CDK5RAP1: variants seen among roughly 807,000 people sequenced by gnomAD.
The protein encoded by CDK5RAP1 is CDK5RAP1 mitochondrial tRNA methylthiotransferase, also known as mitochondrial tRNA methylthiotransferase CDK5RAP1.
CDK5RAP1 carries 62 observed loss-of-function variants against 64.5 expected under a neutral mutation model. That is an observed-to-expected ratio of 0.96 (90% CI 0.78 to 1.19). The LOEUF is 1.19. Ranked by LOEUF, CDK5RAP1 falls within the 50% of genes most tolerant of loss-of-function variation. The pLI is 0.00. For missense variants in CDK5RAP1, 657 were observed against 735.0 expected, an observed-to-expected ratio of 0.89 and a Z score of 1.23; for synonymous variants, 250 against 261.9, an observed-to-expected ratio of 0.95 and a Z score of 0.44.
intron 8 of CDK5RAP1, among the ~76,000 whole-genome samples, 189 bp downstream of exon 8, chr20:33,379,272 T>C (rs1214001250): frequency 6.6e-6 from 1 of 152,140 alleles, no homozygotes; most frequent in Non-Finnish European, 1.5e-5. Context: ...ATTATTGGTG[T>C]AAGCCCCGTG....
intron 5 of CDK5RAP1, among the ~76,000 whole-genome samples, chr20:33,390,525 A>C (rs1426750028): frequency 6.6e-6 from 1 of 152,174 alleles, no homozygotes; most frequent in African/African-American, 2.4e-5. Flanking sequence ...AAGAGAAAAA[A>C]GTCCTGCAGA....
At chr20:33,392,524 T>G (rs1988439097) in intron 4 of CDK5RAP1, among the ~76,000 whole-genome samples, 1 of 150,838 alleles carries the variant, frequency 6.6e-6, no homozygotes, top group Non-Finnish European at 1.5e-5. Flanking sequence ...ATCTTATGTG[T>G]GGCCCAAGAC....
chr20:33,393,867 C>T (rs1238084050), intron 4 of CDK5RAP1, among the ~76,000 whole-genome samples, 165 bp downstream of exon 4: 2 of 152,144 alleles, frequency 1.3e-5, no homozygotes, highest in Non-Finnish European at 2.9e-5. Context: ...CATGCCCAGC[C>T]AATGTCAGCC....
At chr20:33,397,580 T>A (rs1989020958) in intron 1 of CDK5RAP1, among the ~76,000 whole-genome samples, 2 of 152,236 alleles carry the variant, frequency 1.3e-5, no homozygotes, top group South Asian at 4.1e-4. Context: ...CTTGCTACAC[T>A]GCCTCTTAAT....
intron 8 of CDK5RAP1, among the ~76,000 whole-genome samples, chr20:33,379,016 C>T (rs1002091346): frequency 6.6e-6 from 1 of 152,050 alleles, no homozygotes; most frequent in Non-Finnish European, 1.5e-5. Flanking sequence ...GTGGTGCGAT[C>T]TCGGCTCACT....
At chr20:33,370,694 C>G in intron 10 of CDK5RAP1, 65 bp from the exon 11 acceptor site, 1 of 1,568,550 alleles carries the variant, frequency 6.4e-7, no homozygotes, top group Non-Finnish European at 8.8e-7. Context: ...AGGCCTTCAG[C>G]ATATGTGGAT....
Position 33,385,710 on chromosome 20 carries a change from G to A in CDK5RAP1, c.816C>T (p.Gly272=), listed in dbSNP as rs115479444. The change falls in exon 7 of 14, where the codon GGC becomes GGT. Residue 272 remains glycine, a synonymous_variant. Transcript: ENST00000346416. ...CSYCIVPFTR[G]RERSRPIASI... ...AGGCAATAGGCCGACTCCTCTCCCTGCCCCGGGTGAAAGGAACAATGCAGT... is the reference window on the plus strand; with the variant it reads ...AGGCAATAGGCCGACTCCTCTCCCTACCCCGGGTGAAAGGAACAATGCAGT... 1.4e-3 allele frequency: 2,290 copies of A among 1,613,878 alleles called. 26 individuals are homozygous for A. In the African/African-American group the frequency reaches 0.027, roughly 19 times the overall value.
In CDK5RAP1 at chr20:33,368,917, G is replaced by A. The variant is rs1173585924; in HGVS notation, c.1392+1582C>T. Among the ~76,000 whole-genome samples the A allele has an allele frequency of 2.0e-5, 3 of 151,744 alleles. No individual in the cohort carries two copies. In the East Asian group the frequency reaches 5.9e-4, roughly 30 times the overall value. ...TTCTCTTGGGAGGCTGAGGTGGGTGGATCACAAGGTCGAGAGATCAAGACC... is the reference window on the plus strand; with the variant it reads ...TTCTCTTGGGAGGCTGAGGTGGGTGAATCACAAGGTCGAGAGATCAAGACC... On this transcript the variant is annotated intron_variant, in intron 11 of 13. Transcript: ENST00000346416.
chr20:33,388,974 C>A (rs1354250929), intron 5 of CDK5RAP1, among the ~76,000 whole-genome samples: 1 of 152,214 alleles, frequency 6.6e-6, no homozygotes, highest in Non-Finnish European at 1.5e-5. Flanking sequence ...CCGCTCGCTA[C>A]AACCTCCACC....
At chr20:33,361,541 C>T (rs1425903196) in intron 12 of CDK5RAP1, among the ~76,000 whole-genome samples, 4 of 152,154 alleles carry the variant, frequency 2.6e-5, no homozygotes, top group Non-Finnish European at 5.9e-5. Flanking sequence ...ATGGATTTGT[C>T]ACAGTCATAA....
intron 2 of CDK5RAP1, among the ~76,000 whole-genome samples, chr20:33,396,218 G>A (rs1477919674): frequency 6.6e-6 from 1 of 152,134 alleles, no homozygotes; most frequent in Non-Finnish European, 1.5e-5. Context: ...TTAAATGAAA[G>A]CAAGGCTATA....
chr20:33,385,765 A>T lies in CDK5RAP1; in HGVS notation c.761T>A (p.Ile254Asn). 1 of 1,611,934 alleles carries T rather than the reference A, an allele frequency of 6.2e-7. No homozygotes were observed. The highest frequency in any genetic ancestry group is 8.5e-7 in the Non-Finnish European group (1 of 1,179,144). The change falls in exon 7 of 14, where the codon ATC (isoleucine) becomes AAC (asparagine). Residue 254 changes from isoleucine (I) to asparagine (N), a missense_variant. By Grantham distance (149) the Ile-to-Asn change is moderately radical. Transcript: ENST00000346416. Reference protein sequence around the residue: ...SASATSAFVSIMRGCDNMCSY... With the variant: ...SASATSAFVSNMRGCDNMCSY... ...ACACATGTTGTCACAGCCTCGCATG[A>T]TTGACCTGGAGAAGAAAGTACCAGA...
rs11479107 is a variant in CDK5RAP1 at position 33,364,188 on chromosome 20, C to CTTTTT, written c.1542+2666_1542+2670dup. ...ACTGAAATATTTACTGAAGAAATAG[C>CTTTTT]TTTTTTTTTTTTTTTTTTGAGATGG... On this transcript the variant is annotated intron_variant, in intron 12 of 13. Coordinates refer to ENST00000346416, the MANE Select transcript of CDK5RAP1 (RefSeq NM_016408.4). Among the ~76,000 whole-genome samples the CTTTTT allele has an allele frequency of 5.2e-5, 7 of 135,508 alleles. 1 individual carries two copies. The highest frequency in any genetic ancestry group is 5.4e-5 in the African/African-American group (2 of 36,920). The allele number at this position is 135,508 out of a possible 152,430, so 88.9% of individuals were successfully genotyped here.
At chr20:33,395,565 A>G (rs1988826982) in intron 2 of CDK5RAP1, among the ~76,000 whole-genome samples, 1 of 152,100 alleles carries the variant, frequency 6.6e-6, no homozygotes, top group South Asian at 2.1e-4. Flanking sequence ...ACACCACTGC[A>G]CTCAGCCTGG....
chr20:33,360,546 AG>A, intron 12 of CDK5RAP1, 55 bp from the exon 13 acceptor site: 1 of 1,541,244 alleles, frequency 6.5e-7, no homozygotes, highest in South Asian at 1.2e-5. Flanking sequence ...AAGTTCTTGG[AG>A]GGTAGAAACT....
chr20:33,372,717 GA>G lies in CDK5RAP1; in HGVS notation c.1206-21del, dbSNP rs1358839617. ...GAATATCTGCAATAAAGAACAAAAG[GA>G]AAAGGCCTACATAAATCCAACCTTT... On this transcript the variant is annotated intron_variant, in intron 9 of 13. Transcript: ENST00000346416. 1.4e-5 allele frequency: 21 copies of G among 1,550,988 alleles called. No individual in the cohort carries two copies. Among genetic ancestry groups the G allele is most frequent in the South Asian group, 2.3e-5 (2 of 87,222 alleles).
intron 2 of CDK5RAP1, among the ~76,000 whole-genome samples, chr20:33,396,299 T>C (rs1044314730): frequency 2.0e-5 from 3 of 152,214 alleles, no homozygotes; most frequent in Admixed American, 6.5e-5. Flanking sequence ...CTTCAAACTA[T>C]ATTCCAAGAT....
At position 33,379,304 on chromosome 20, in the gene CDK5RAP1, A is replaced by G. The variant is rs549077295; in HGVS notation, c.1107+157T>C. Among the ~76,000 whole-genome samples, 47 of 152,226 alleles carry G rather than the reference A, an allele frequency of 3.1e-4. 1 individual carries two copies. In the South Asian group the frequency reaches 8.9e-3, roughly 29 times the overall value. On this transcript the variant is annotated intron_variant, in intron 8 of 13. Transcript: ENST00000346416. Reference sequence around the variant, plus strand: ...CGTGCCCAGCCACTGGTGGACTTCAAATCTTCAAAGGACCAGCAGATCTGG... The same window carrying G: ...CGTGCCCAGCCACTGGTGGACTTCAGATCTTCAAAGGACCAGCAGATCTGG...
Position 33,359,005 on chromosome 20 carries a change from A to G in CDK5RAP1, c.*38T>C, listed in dbSNP as rs35714788. 4 of 1,425,302 alleles carry G rather than the reference A, an allele frequency of 2.8e-6. No individual in the cohort carries two copies. The highest frequency in any genetic ancestry group is 1.2e-5 in the South Asian group (1 of 86,230). 88.3% of individuals were successfully genotyped at this position (1,425,302 alleles called of 1,614,324 possible). On this transcript the variant is annotated 3_prime_UTR_variant, in exon 14 of 14. Coordinates refer to ENST00000346416, the MANE Select transcript of CDK5RAP1 (RefSeq NM_016408.4). ...GCAATGTCTCCCCTTCCTGTTGGGG[A>G]GGATTGCCCAAGTCAGCTCTGAGGC... is the stretch of plus-strand genomic sequence containing the variant.
Sources: gnomAD v4.1 joint callset for allele counts (sites outside exome capture counted in the v4.1 genomes callset) on GRCh38, gnomAD v4.1.1 for gene constraint, MANE v1.5 for transcripts, NCBI Gene and HGNC (gene_info 2026-07-23, HGNC 2026-07-21) for gene names.